Variants in SPATA6 observed in about 807,000 individuals in gnomAD.
The protein encoded by SPATA6 is spermatogenesis-associated protein 6.
A neutral mutation model predicts 65.3 loss-of-function variants in SPATA6; 56 were observed. The ratio of observed to expected loss-of-function variants is 0.86; its 90% CI spans 0.69 to 1.07. The LOEUF is 1.07. Ranked by LOEUF, SPATA6 falls within the 50% of genes least tolerant of loss-of-function variation. The probability of loss-of-function intolerance (pLI) is 0.00; values close to 1 mark genes in which losing one functional copy is unlikely to be tolerated. For missense variants in SPATA6, 590 were observed against 594.8 expected, an observed-to-expected ratio of 0.99 and a Z score of 0.08; for synonymous variants, 199 against 213.2, an observed-to-expected ratio of 0.93 and a Z score of 0.58.
Position 48,399,447 on chromosome 1 carries a change from C to T in SPATA6, c.684G>A (p.Glu228=). ...PSPYTKRRMC[E]LSEDTRRRLA... ...GCCGCCGCCTGGTGTCTTCAGATAG[C>T]TCACACATGCGTCTTTTTGTGTAGG... Residue 228 remains glutamate, a synonymous_variant, in exon 7 of 13, where the codon GAG becomes GAA. Transcript: ENST00000371847. 2.5e-6 allele frequency: 4 copies of T among 1,613,224 alleles called. No homozygotes were observed. The highest frequency in any genetic ancestry group is 3.4e-6 in the Non-Finnish European group (4 of 1,179,398).
intron 3 of SPATA6, 33 bp downstream of exon 3, chr1:48,451,519 T>C: frequency 6.3e-7 from 1 of 1,586,960 alleles, no homozygotes; most frequent in Non-Finnish European, 8.6e-7. Context: ...TAAAATGTCT[T>C]AGAATCAGGA....
intron 9 of SPATA6, among the ~76,000 whole-genome samples, chr1:48,367,987 C>T (rs1259435305): frequency 3.9e-5 from 6 of 152,146 alleles, no homozygotes; most frequent in East Asian, 1.9e-4. Context: ...TTAGGGCAGG[C>T]GTGGTGGTGA....
chr1:48,347,101 G>A (rs1418153517), intron 11 of SPATA6, among the ~76,000 whole-genome samples: 2 of 151,814 alleles, frequency 1.3e-5, no homozygotes, highest in African/African-American at 4.8e-5. Flanking sequence ...TAGCATGGTA[G>A]TGGTACAAAA....
At chr1:48,408,810 T>C (rs12566669) in intron 5 of SPATA6, among the ~76,000 whole-genome samples, 11,737 of 152,194 alleles carry the variant, frequency 0.077, 625 homozygotes, top group East Asian at 0.2. Context: ...TCAGATCTCA[T>C]GAGACCCATT....
intron 11 of SPATA6, among the ~76,000 whole-genome samples, chr1:48,311,203 C>A (rs1266610688): frequency 6.6e-6 from 1 of 151,922 alleles, no homozygotes; most frequent in African/African-American, 2.4e-5. Flanking sequence ...AAGTAAAATA[C>A]AAACATTAGG....
intron 9 of SPATA6, among the ~76,000 whole-genome samples, chr1:48,372,977 C>T (rs1002268197): frequency 3.9e-5 from 6 of 152,152 alleles, no homozygotes; most frequent in Non-Finnish European, 8.8e-5. Context: ...CTGGACCTCT[C>T]GGCCTGTGAT....
chr1:48,419,705 C>T (rs1198878495), intron 3 of SPATA6, among the ~76,000 whole-genome samples: 2 of 152,148 alleles, frequency 1.3e-5, no homozygotes. Context: ...CTACTATTAT[C>T]TCAATTTTGG....
chr1:48,385,378 G>T, intron 8 of SPATA6, 29 bp from the exon 9 acceptor site: 1 of 1,591,946 alleles, frequency 6.3e-7, no homozygotes, highest in East Asian at 2.3e-5. Context: ...AACAATTAAA[G>T]TTTAAATTTG....
At chr1:48,325,427 G>T in intron 11 of SPATA6, 1 of 1,299,568 alleles carries the variant, frequency 7.7e-7, no homozygotes, top group Non-Finnish European at 1.1e-6. Flanking sequence ...GCTTCTTCTT[G>T]ACTGGGACCA....
At chr1:48,294,665 A>T (rs1644789190), downstream of SPATA6, among the ~76,000 whole-genome samples, 1 of 152,162 alleles carries the variant, frequency 6.6e-6, no homozygotes, top group Admixed American at 6.5e-5. Context: ...ACTCTTGTAA[A>T]ATCTGATCAA....
At chr1:48,348,379 T>C (rs1381196250) in intron 11 of SPATA6, among the ~76,000 whole-genome samples, 7 of 152,084 alleles carry the variant, frequency 4.6e-5, no homozygotes, top group African/African-American at 1.7e-4. Flanking sequence ...TGGATATTTA[T>C]TTTATTCTTT....
At chr1:48,442,217 A>G (rs1021244792) in intron 3 of SPATA6, among the ~76,000 whole-genome samples, 1 of 152,216 alleles carries the variant, frequency 6.6e-6, no homozygotes, top group African/African-American at 2.4e-5. Flanking sequence ...GCGCCCAGTT[A>G]GCAGAACTAG....
At chr1:48,304,292 G>A (rs1181822739) in intron 12 of SPATA6, among the ~76,000 whole-genome samples, 1 of 152,156 alleles carries the variant, frequency 6.6e-6, no homozygotes, top group Non-Finnish European at 1.5e-5. Context: ...TCTCAAAAAT[G>A]TGTAAGCAGA....
chr1:48,314,790 G>A (rs866386591), intron 11 of SPATA6, among the ~76,000 whole-genome samples: 6 of 152,014 alleles, frequency 3.9e-5, no homozygotes, highest in African/African-American at 7.2e-5. Context: ...TTGATAGACC[G>A]CTAGCAACAC....
Position 48,381,842 on chromosome 1 carries a change from T to C in SPATA6, c.909+3467A>G, listed in dbSNP as rs1648658303. On this transcript the variant is annotated intron_variant, in intron 9 of 12. Coordinates refer to ENST00000371847, the MANE Select transcript of SPATA6 (RefSeq NM_019073.4). The stretch of plus-strand genomic sequence containing the variant: ...TCTGGTTTTCCTAGGCAGAGGACCC[T>C]GCGGCCTTGGCCTTCCGCAGTGTTT... Among the ~76,000 whole-genome samples, 4 of 146,156 alleles carry C rather than the reference T, an allele frequency of 2.7e-5. No individual in the cohort carries two copies. In the East Asian group the frequency reaches 6.0e-4, roughly 22 times the overall value.
At chr1:48,384,169 A>C (rs1009792567) in intron 9 of SPATA6, among the ~76,000 whole-genome samples, 4 of 149,120 alleles carry the variant, frequency 2.7e-5, no homozygotes, top group Admixed American at 6.6e-5. Context: ...CCCCGTCTCC[A>C]CCAAAAAAAA....
intron 3 of SPATA6, among the ~76,000 whole-genome samples, chr1:48,438,374 T>C (rs910601628): frequency 6.6e-6 from 1 of 152,144 alleles, no homozygotes; most frequent in African/African-American, 2.4e-5. Context: ...CAGGCACCTG[T>C]TGGCCAGTTA....
intron 9 of SPATA6, among the ~76,000 whole-genome samples, chr1:48,373,614 T>G (rs1647552115): frequency 6.6e-6 from 1 of 152,204 alleles, no homozygotes; most frequent in African/African-American, 2.4e-5. Flanking sequence ...TGTATTAATC[T>G]GTTTTCCACT....
intron 9 of SPATA6, among the ~76,000 whole-genome samples, chr1:48,365,954 T>G (rs1646993529): frequency 6.6e-6 from 1 of 152,226 alleles, no homozygotes; most frequent in Non-Finnish European, 1.5e-5. Flanking sequence ...TCTTATTATT[T>G]TAAGATACGT....
Sources: allele counts gnomAD v4.1 joint callset (sites outside exome capture counted in the v4.1 genomes callset), GRCh38; gene constraint gnomAD v4.1.1; transcripts MANE v1.5; gene names NCBI Gene and HGNC (gene_info 2026-07-23, HGNC 2026-07-21).